MAN2A1: variants seen among roughly 807,000 people sequenced by gnomAD.
MAN2A1 encodes mannosidase alpha class 2A member 1.
Under a neutral mutation model 142.6 loss-of-function variants are expected in MAN2A1, and 76 were observed. That is an observed-to-expected ratio of 0.53 (90% CI 0.44 to 0.65). MAN2A1 has a LOEUF of 0.65. Among genes scored for constraint, MAN2A1 ranks in the 30% least tolerant of loss-of-function variants. The probability of loss-of-function intolerance (pLI) is 0.00; values close to 1 mark genes in which losing one functional copy is unlikely to be tolerated. For missense variants in MAN2A1, 1,311 were observed against 1,365.1 expected (o/e 0.96, Z 0.62); for synonymous variants, 559 against 473.2 (o/e 1.18, Z -2.35).
At position 109,868,840 on chromosome 5, in the gene MAN2A1, T is replaced by C. The variant is rs1426285739; in HGVS notation, c.*1842T>C. On this transcript the variant is annotated 3_prime_UTR_variant, in exon 22 of 22. Coordinates refer to ENST00000261483, the MANE Select transcript of MAN2A1 (RefSeq NM_002372.4). ...AATCCCAGGAATGAGATCAGTATTT[T>C]CATTGCATCTTAAATGTATAACCTT... The C allele has an allele frequency of 6.6e-6, 1 of 152,238 alleles. No homozygotes were observed. Among genetic ancestry groups the C allele is most frequent in the Non-Finnish European group, 1.5e-5 (1 of 68,038 alleles). The allele number at this position is 152,238 out of a possible 1,614,324, so 9.4% of individuals were successfully genotyped here. A position where few individuals can be genotyped will look rare whatever the true frequency, so the allele number is the denominator to read the frequency against.
chr5:109,818,946 A>G (rs1754544996), intron 13 of MAN2A1, among the ~76,000 whole-genome samples: 1 of 152,196 alleles, frequency 6.6e-6, no homozygotes, highest in Admixed American at 6.5e-5. Context: ...TGGGGATAAC[A>G]AAATCTATGG....
In MAN2A1 at chr5:109,842,439, A is replaced by ATT; in HGVS notation, c.2679_2680insTT (p.Thr894LeufsTer4). 2 of 1,574,970 alleles carry ATT rather than the reference A, an allele frequency of 1.3e-6. No individual in the cohort carries two copies. The highest frequency in any genetic ancestry group is 1.7e-6 in the Non-Finnish European group (2 of 1,148,322). On this transcript the variant is annotated frameshift_variant, in exon 17 of 22. Coordinates refer to ENST00000261483, the MANE Select transcript of MAN2A1 (RefSeq NM_002372.4). LOFTEE classifies it high-confidence loss of function. ...GATATAAAAAGCCAAAATAGATTTT[A>ATT]TACTGACCTAAATGGGTACCAGGTA... is the stretch of plus-strand genomic sequence containing the variant.
intron 19 of MAN2A1, chr5:109,854,172 A>G (rs1407627998): frequency 6.6e-6 from 1 of 152,214 alleles, no homozygotes; most frequent in Non-Finnish European, 1.5e-5. Context: ...GAAATAAGAT[A>G]CAAAATTAAA....
intron 1 of MAN2A1, among the ~76,000 whole-genome samples, chr5:109,711,694 T>C (rs1041817509): frequency 1.6e-4 from 25 of 152,200 alleles, no homozygotes; most frequent in African/African-American, 5.8e-4. Flanking sequence ...TTCCTTTGCT[T>C]TGCCATTTCC....
chr5:109,728,798 C>T (rs952972661), intron 3 of MAN2A1, among the ~76,000 whole-genome samples: 1 of 151,566 alleles, frequency 6.6e-6, no homozygotes, highest in African/African-American at 2.4e-5. Context: ...AGAATTCTAC[C>T]TCTCAGTGTT....
At chr5:109,802,141 C>G (rs1390471299) in intron 12 of MAN2A1, among the ~76,000 whole-genome samples, 1 of 152,150 alleles carries the variant, frequency 6.6e-6, no homozygotes, top group African/African-American at 2.4e-5. Context: ...TCAGAACCTA[C>G]ACAGGCAAGG....
At chr5:109,751,677 A>G (rs1039743208) in intron 4 of MAN2A1, among the ~76,000 whole-genome samples, 1 of 152,004 alleles carries the variant, frequency 6.6e-6, no homozygotes, top group African/African-American at 2.4e-5. Flanking sequence ...TTTCTAAGTC[A>G]CAGTTATGGT....
intron 9 of MAN2A1, among the ~76,000 whole-genome samples, chr5:109,782,487 A>G (rs1389103520): frequency 2.0e-5 from 3 of 152,090 alleles, no homozygotes; most frequent in Admixed American, 1.3e-4. Flanking sequence ...AGTTAAAACT[A>G]CTCCAGAGGC....
intron 4 of MAN2A1, among the ~76,000 whole-genome samples, chr5:109,747,879 C>A (rs1371478129): frequency 6.6e-6 from 1 of 152,146 alleles, no homozygotes; most frequent in Non-Finnish European, 1.5e-5. Flanking sequence ...TTACATCCCA[C>A]CAGCAATGCA....
At chr5:109,747,684 C>A (rs890594947) in intron 4 of MAN2A1, among the ~76,000 whole-genome samples, 1 of 152,124 alleles carries the variant, frequency 6.6e-6, no homozygotes, top group Non-Finnish European at 1.5e-5. Context: ...AAACATTATT[C>A]TCTAGGGCTT....
chr5:109,859,626 A>G (rs181373763), intron 20 of MAN2A1, among the ~76,000 whole-genome samples: 2 of 152,356 alleles, frequency 1.3e-5, no homozygotes, highest in Admixed American at 6.5e-5. Context: ...CCTAGGGAAC[A>G]TGAACACCAC....
chr5:109,814,853 A>G (rs1754411158), intron 12 of MAN2A1, among the ~76,000 whole-genome samples: 1 of 152,160 alleles, frequency 6.6e-6, no homozygotes, highest in South Asian at 2.1e-4. Context: ...GACACACATT[A>G]TAGTATCACA....
chr5:109,816,462 T>G (rs79029715), intron 12 of MAN2A1, among the ~76,000 whole-genome samples: 1 of 152,302 alleles, frequency 6.6e-6, no homozygotes, highest in African/African-American at 2.4e-5. Flanking sequence ...CATTACTTAC[T>G]ATAAACATTT....
chr5:109,800,380 G>T (rs1753988866), intron 12 of MAN2A1, among the ~76,000 whole-genome samples: 1 of 152,076 alleles, frequency 6.6e-6, no homozygotes, highest in Non-Finnish European at 1.5e-5. Context: ...GGTTGGTCTT[G>T]TTCATTATTC....
At chr5:109,800,104 A>C (rs1346248189) in intron 12 of MAN2A1, among the ~76,000 whole-genome samples, 2 of 151,520 alleles carry the variant, frequency 1.3e-5, no homozygotes, top group African/African-American at 2.4e-5. Flanking sequence ...AAAAAAAAAA[A>C]AACAACCTCA....
chr5:109,712,378 G>GA lies in MAN2A1; in HGVS notation c.136-1138dup, dbSNP rs1241459092. On this transcript the variant is annotated intron_variant, in intron 1 of 21. Coordinates refer to ENST00000261483, the MANE Select transcript of MAN2A1 (RefSeq NM_002372.4). The stretch of plus-strand genomic sequence containing the variant: ...AATACCTTTCCTTACTTTATCTTCT[G>GA]AAAATACCTTTCCTTACATTTCTAT... Among the ~76,000 whole-genome samples, 3 of 151,936 alleles carry GA rather than the reference G, an allele frequency of 2.0e-5. No individual in the cohort carries two copies. The East Asian group carries it at 5.8e-4, about 29-fold the overall frequency.
chr5:109,760,150 CT>C (rs1168529241), intron 5 of MAN2A1, among the ~76,000 whole-genome samples: 1 of 152,034 alleles, frequency 6.6e-6, no homozygotes, highest in Admixed American at 6.6e-5. Context: ...CTCCCAGCCC[CT>C]GACGCCCCTG....
intron 12 of MAN2A1, among the ~76,000 whole-genome samples, chr5:109,816,145 G>C (rs1754451950): frequency 1.3e-5 from 2 of 152,326 alleles, no homozygotes; most frequent in Non-Finnish European, 2.9e-5. Flanking sequence ...AATCAAGGCT[G>C]TTGGGTACCT....
chr5:109,728,309 A>G (rs1488869440), intron 3 of MAN2A1, among the ~76,000 whole-genome samples: 1 of 152,192 alleles, frequency 6.6e-6, no homozygotes, highest in South Asian at 2.1e-4. Flanking sequence ...ATTTAACTAT[A>G]TACAGATAAG....
Sources: allele counts gnomAD v4.1 joint callset (sites outside exome capture counted in the v4.1 genomes callset), GRCh38; gene constraint gnomAD v4.1.1; transcripts MANE v1.5; gene names NCBI Gene and HGNC (gene_info 2026-07-23, HGNC 2026-07-21).